The following MNAT1 variants were observed in gnomAD, a reference collection of about 807,000 sequenced individuals.
MNAT1 encodes MNAT1 component of CDK activating kinase, also known as CDK-activating kinase assembly factor MAT1.
In MNAT1, 43 loss-of-function variants were observed where a neutral mutation model predicts 42.0. The observed-to-expected ratio is 1.02, with a 90% CI of 0.80 to 1.32. The LOEUF (loss-of-function observed/expected upper bound fraction) is 1.32. Ranked by LOEUF, MNAT1 falls within the 40% of genes most tolerant of loss-of-function variation. The probability of loss-of-function intolerance (pLI) is 0.00; values close to 1 mark genes in which losing one functional copy is unlikely to be tolerated. For synonymous variants in MNAT1, 118 were observed against 120.0 expected, an observed-to-expected ratio of 0.98 and a Z score of 0.11; for missense variants, 306 against 350.4, an observed-to-expected ratio of 0.87 and a Z score of 1.01.
chr14:60,790,520 C>T (rs1392437914), intron 1 of MNAT1, among the ~76,000 whole-genome samples: 1 of 152,150 alleles, frequency 6.6e-6, no homozygotes, highest in Non-Finnish European at 1.5e-5. Flanking sequence ...ACTTGTCCCA[C>T]CTTACTGGAC....
chr14:60,959,982 T>C (rs1228056348), intron 7 of MNAT1, among the ~76,000 whole-genome samples: 2 of 145,966 alleles, frequency 1.4e-5, no homozygotes, highest in East Asian at 4.2e-4. Context: ...TGCATGTACA[T>C]AGCTGTAACT....
intron 7 of MNAT1, among the ~76,000 whole-genome samples, chr14:60,928,131 G>A (rs1416841668): frequency 1.3e-5 from 2 of 151,990 alleles, no homozygotes; most frequent in African/African-American, 4.8e-5. Context: ...ATAAGTATGT[G>A]GTTTTTGTGT....
intron 6 of MNAT1, among the ~76,000 whole-genome samples, chr14:60,858,362 A>G (rs1233098309): frequency 1.3e-5 from 2 of 150,258 alleles, no homozygotes; most frequent in Non-Finnish European, 3.0e-5. Context: ...TGTTGGCTGC[A>G]TAAATGTCTT....
chr14:60,863,953 T>C (rs1342075348), intron 6 of MNAT1, among the ~76,000 whole-genome samples: 2 of 152,180 alleles, frequency 1.3e-5, no homozygotes, highest in Non-Finnish European at 2.9e-5. Flanking sequence ...CTAAACTGGT[T>C]CATATTTCAA....
chr14:60,927,693 T>A, intron 7 of MNAT1, among the ~76,000 whole-genome samples: 1 of 152,160 alleles, frequency 6.6e-6, no homozygotes, highest in East Asian at 1.9e-4. Flanking sequence ...TGAGACATGT[T>A]TTCGACCACC....
intron 1 of MNAT1, among the ~76,000 whole-genome samples, chr14:60,790,275 T>G (rs920564281): frequency 1.3e-5 from 2 of 152,118 alleles, no homozygotes; most frequent in African/African-American, 4.8e-5. Context: ...AAGGGAAAAG[T>G]CAAGCTGGGA....
chr14:60,747,209 C>T (rs2029877623), intron 1 of MNAT1, among the ~76,000 whole-genome samples: 1 of 151,750 alleles, frequency 6.6e-6, no homozygotes, highest in African/African-American at 2.4e-5. Flanking sequence ...TGGTCTTGAT[C>T]TCCTGACCTT....
intron 6 of MNAT1, among the ~76,000 whole-genome samples, chr14:60,877,870 A>G (rs1368188815): frequency 6.6e-6 from 1 of 152,016 alleles, no homozygotes; most frequent in Admixed American, 6.6e-5. Flanking sequence ...AATAGAGTGG[A>G]TGTTTTCATC....
intron 7 of MNAT1, among the ~76,000 whole-genome samples, chr14:60,933,874 A>T (rs2139574112): frequency 6.6e-6 from 1 of 152,304 alleles, no homozygotes; most frequent in South Asian, 2.1e-4. Flanking sequence ...TTTAAGGGTT[A>T]CCAGGAGGGA....
intron 7 of MNAT1, among the ~76,000 whole-genome samples, chr14:60,949,406 A>C (rs2036340366): frequency 6.6e-6 from 1 of 152,186 alleles, no homozygotes; most frequent in Non-Finnish European, 1.5e-5. Flanking sequence ...TGAAATAAGA[A>C]GTCTACATTT....
intron 6 of MNAT1, among the ~76,000 whole-genome samples, chr14:60,835,422 G>A (rs2033363964): frequency 6.6e-6 from 1 of 152,140 alleles, no homozygotes; most frequent in Admixed American, 6.6e-5. Flanking sequence ...AGGAGCTCTT[G>A]TAAGGCAGGT....
intron 6 of MNAT1, among the ~76,000 whole-genome samples, chr14:60,872,597 C>T (rs979852028): frequency 5.3e-5 from 8 of 152,032 alleles, no homozygotes; most frequent in African/African-American, 1.2e-4. Context: ...AAATAGCTAC[C>T]GACTTGACCT....
chr14:60,900,077 TC>T (rs1256355535), intron 7 of MNAT1, among the ~76,000 whole-genome samples: 86 of 151,980 alleles, frequency 5.7e-4, no homozygotes, highest in East Asian at 5.4e-3. Flanking sequence ...TCTCTCTCTC[TC>T]TCTCTTACCT....
At chr14:60,751,013 G>A (rs889887920) in intron 1 of MNAT1, among the ~76,000 whole-genome samples, 3 of 152,010 alleles carry the variant, frequency 2.0e-5, no homozygotes, top group African/African-American at 7.2e-5. Context: ...AGGATTGATA[G>A]GAAGTTGACA....
intron 1 of MNAT1, among the ~76,000 whole-genome samples, chr14:60,780,950 A>G (rs2031437444): frequency 6.6e-6 from 1 of 152,224 alleles, no homozygotes; most frequent in African/African-American, 2.4e-5. Flanking sequence ...AGCTTGACTC[A>G]GTATAGGTAG....
intron 6 of MNAT1, among the ~76,000 whole-genome samples, chr14:60,872,097 G>A (rs1255565038): frequency 6.6e-6 from 1 of 152,152 alleles, no homozygotes; most frequent in Non-Finnish European, 1.5e-5. Flanking sequence ...AAGGAAAGAT[G>A]TTTATTTGGC....
chr14:60,788,290 T>C (rs1023664380), intron 1 of MNAT1, among the ~76,000 whole-genome samples: 14 of 152,150 alleles, frequency 9.2e-5, no homozygotes, highest in Non-Finnish European at 5.9e-5. Flanking sequence ...GCAATAGGTC[T>C]CAACAGTGGG....
chr14:60,954,280 G>A (rs2036438687), intron 7 of MNAT1, among the ~76,000 whole-genome samples: 1 of 152,102 alleles, frequency 6.6e-6, no homozygotes, highest in Non-Finnish European at 1.5e-5. Flanking sequence ...TTAGAATTCA[G>A]TGATGGAATC....
At chr14:60,942,003 CAAAA>C (rs3080602) in intron 7 of MNAT1, among the ~76,000 whole-genome samples, 3 of 29,936 alleles carry the variant, frequency 1.0e-4, no homozygotes, top group African/African-American at 5.6e-4. Flanking sequence ...GGCTCCATCT[CAAAA>C]AAAAAAAAAA....
Sources: gnomAD v4.1 joint callset for allele counts (sites outside exome capture counted in the v4.1 genomes callset) on GRCh38, gnomAD v4.1.1 for gene constraint, MANE v1.5 for transcripts, NCBI Gene and HGNC (gene_info 2026-07-23, HGNC 2026-07-21) for gene names.